SUZ12: variants seen among roughly 807,000 people sequenced by gnomAD.
SUZ12 encodes SUZ12 polycomb repressive complex 2 subunit.
SUZ12 carries 17 observed loss-of-function variants against 87.3 expected under a neutral mutation model. The observed-to-expected ratio is 0.19, with a 90% CI of 0.13 to 0.29. The LOEUF (loss-of-function observed/expected upper bound fraction) is 0.29. SUZ12 is among the 10% of genes least tolerant of loss of function. The pLI, the probability that SUZ12 is intolerant of heterozygous loss-of-function variation, is 1.00. For synonymous variants in SUZ12, 253 were observed against 312.4 expected (o/e 0.81, Z 2.01); for missense variants, 526 against 912.2 (o/e 0.58, Z 5.45).
At chr17:31,953,360 C>T (rs576734612) in intron 4 of SUZ12, among the ~76,000 whole-genome samples, 1 of 152,138 alleles carries the variant, frequency 6.6e-6, no homozygotes, top group Non-Finnish European at 1.5e-5. Flanking sequence ...GTCCATCCGC[C>T]TCGACCTCCC....
chr17:31,958,338 T>G (rs1406127987), intron 4 of SUZ12, among the ~76,000 whole-genome samples: 2 of 152,222 alleles, frequency 1.3e-5, no homozygotes, highest in African/African-American at 2.4e-5. Flanking sequence ...ATCCGACCTA[T>G]TAAATTATTT....
At chr17:31,949,422 T>C (rs1332136403) in intron 4 of SUZ12, among the ~76,000 whole-genome samples, 2 of 152,158 alleles carry the variant, frequency 1.3e-5, no homozygotes, top group African/African-American at 4.8e-5. Context: ...AAGATTCTTA[T>C]GAATGTCTCA....
At chr17:31,990,975 G>C (rs1353225457) in intron 10 of SUZ12, among the ~76,000 whole-genome samples, 1 of 151,970 alleles carries the variant, frequency 6.6e-6, no homozygotes, top group Non-Finnish European at 1.5e-5. Flanking sequence ...TCAAACTCCT[G>C]AGCTCAAGCA....
chr17:31,973,512 A>G (rs548065343), intron 6 of SUZ12, among the ~76,000 whole-genome samples: 27 of 152,190 alleles, frequency 1.8e-4, no homozygotes, highest in Non-Finnish European at 3.5e-4. Context: ...TTGCTGTTCT[A>G]CCATTTCAAT....
chr17:31,986,375 G>C (rs774672560), intron 9 of SUZ12, among the ~76,000 whole-genome samples: 1 of 152,084 alleles, frequency 6.6e-6, no homozygotes, highest in Non-Finnish European at 1.5e-5. Flanking sequence ...CTAAACCAGT[G>C]CTGGTCTAAT....
In SUZ12 at chr17:31,937,311, G is replaced by T; in HGVS notation, c.65G>T (p.Gly22Val). ...GGSGPSAGSGGGGFGGSAAVA... is the reference protein window; with the variant it reads ...GGSGPSAGSGVGGFGGSAAVA... Reference sequence around the variant, plus strand: ...TCGGGGCCCAGCGCGGGGTCCGGGGGAGGCGGCTTCGGGGGTTCGGCGGCG... The same window carrying T: ...TCGGGGCCCAGCGCGGGGTCCGGGGTAGGCGGCTTCGGGGGTTCGGCGGCG... Residue 22 changes from glycine to valine, a missense_variant, in exon 1 of 16, where the codon GGA becomes GTA. Transcript: ENST00000322652. The T allele has an allele frequency of 1.4e-6, 2 of 1,439,354 alleles. No individual in the cohort carries two copies. Among genetic ancestry groups the T allele is most frequent in the Non-Finnish European group, 1.8e-6 (2 of 1,105,722 alleles). The allele number at this position is 1,439,354 out of a possible 1,614,324, so 89.2% of individuals were successfully genotyped here.
intron 15 of SUZ12, 39 bp downstream of exon 15, chr17:31,996,916 C>T: frequency 1.9e-5 from 23 of 1,207,538 alleles, no homozygotes; most frequent in Non-Finnish European, 2.5e-5. Context: ...TTTTATTATT[C>T]TTTATGGTCT....
Position 31,937,146 on chromosome 17 carries a change from G to T in SUZ12, c.-101G>T, listed in dbSNP as rs1260653369. 78 of 1,042,960 alleles carry T rather than the reference G, an allele frequency of 7.5e-5. No homozygotes were observed. Among genetic ancestry groups the T allele is most frequent in the Non-Finnish European group, 9.4e-5 (74 of 786,448 alleles). 64.6% of individuals were successfully genotyped at this position (1,042,960 alleles called of 1,614,324 possible). ...TCCCCTCTCTCCTCCTTCCCCCCTC[G>T]GTCCGCCGGAGCCTGCTGGGGCGAG... On this transcript the variant is annotated 5_prime_UTR_variant, in exon 1 of 16. Coordinates refer to ENST00000322652, the MANE Select transcript of SUZ12 (RefSeq NM_015355.4).
chr17:31,980,524 A>G (rs1324129310), intron 8 of SUZ12, among the ~76,000 whole-genome samples: 3 of 127,600 alleles, frequency 2.4e-5, no homozygotes, highest in Non-Finnish European at 4.6e-5. Context: ...ATCTCAGCTC[A>G]CCGCTACCTC....
intron 4 of SUZ12, among the ~76,000 whole-genome samples, chr17:31,955,956 G>C (rs1907304806): frequency 6.6e-6 from 1 of 151,382 alleles, no homozygotes. Flanking sequence ...CTGTCGCCCA[G>C]GCTGGAGTGC....
In SUZ12 at chr17:31,976,553, C is replaced by A; in HGVS notation, c.856C>A (p.Arg286=). Residue 286 remains arginine (R), a synonymous_variant, in exon 8 of 16, where the codon CGA becomes AGA. Transcript: ENST00000322652. The part of the protein sequence containing the change: ...VNEELPARRK[R]NREDGEKTFV... Reference sequence around the variant, plus strand: ...TGAAGAGCTTCCAGCCAGAAGAAAACGAAATCGTGAGGATGGGGAAAAGAC... The same window carrying A: ...TGAAGAGCTTCCAGCCAGAAGAAAAAGAAATCGTGAGGATGGGGAAAAGAC... 6.2e-7 allele frequency: 1 copy of A among 1,612,558 alleles called. No individual in the cohort carries two copies. The highest frequency in any genetic ancestry group is 8.5e-7 in the Non-Finnish European group (1 of 1,179,220).
At chr17:31,982,678 A>G (rs1434311719) in intron 8 of SUZ12, among the ~76,000 whole-genome samples, 1 of 152,274 alleles carries the variant, frequency 6.6e-6, no homozygotes, top group South Asian at 2.1e-4. Flanking sequence ...ATAAATAAAT[A>G]AATAAAGCCT....
chr17:31,952,580 T>C (rs552989268), intron 4 of SUZ12, among the ~76,000 whole-genome samples: 1 of 152,264 alleles, frequency 6.6e-6, no homozygotes, highest in African/African-American at 2.4e-5. Flanking sequence ...GCTGTTTTTT[T>C]GAGATGGAAT....
chr17:31,960,867 C>G (rs1206747785), intron 4 of SUZ12, among the ~76,000 whole-genome samples: 2 of 152,144 alleles, frequency 1.3e-5, no homozygotes, highest in Non-Finnish European at 2.9e-5. Context: ...TGTGAGTCAC[C>G]GTGCCTGGCC....
chr17:31,965,892 T>G, intron 4 of SUZ12: 3 of 310,132 alleles, frequency 9.7e-6, no homozygotes, highest in East Asian at 5.4e-5. Context: ...GGTCTGGTGT[T>G]TTTGTGGTTT....
intron 5 of SUZ12, among the ~76,000 whole-genome samples, chr17:31,968,405 T>A (rs532891353): frequency 1.9e-4 from 29 of 151,966 alleles, no homozygotes; most frequent in Admixed American, 1.1e-3. Context: ...TTAAAAAAAA[T>A]TTTTTTTGTT....
intron 3 of SUZ12, among the ~76,000 whole-genome samples, chr17:31,943,610 C>T (rs1270192457): frequency 1.3e-5 from 2 of 152,070 alleles, no homozygotes; most frequent in African/African-American, 2.4e-5. Context: ...CAAAAACAGG[C>T]GATAGGCCAG....
intron 10 of SUZ12, among the ~76,000 whole-genome samples, chr17:31,990,879 A>T (rs1206521353): frequency 6.6e-6 from 1 of 151,740 alleles, no homozygotes; most frequent in Non-Finnish European, 1.5e-5. Flanking sequence ...CTCCATATAG[A>T]TGGGACTACA....
intron 1 of SUZ12, 81 bp downstream of exon 1, chr17:31,937,601 C>T (rs984286059): frequency 6.6e-7 from 1 of 1,508,192 alleles, no homozygotes; most frequent in African/African-American, 1.4e-5. Flanking sequence ...GGCCCCCTTC[C>T]TCCTCGGGAG....
Sources: gnomAD v4.1 joint callset for allele counts (sites outside exome capture counted in the v4.1 genomes callset) on GRCh38, gnomAD v4.1.1 for gene constraint, MANE v1.5 for transcripts, NCBI Gene and HGNC (gene_info 2026-07-23, HGNC 2026-07-21) for gene names.